The following WWOX variants were observed in gnomAD, a reference collection of about 807,000 sequenced individuals.
WWOX encodes WW domain containing oxidoreductase, also known as WW domain-containing oxidoreductase.
In WWOX, 69 loss-of-function variants were observed where a neutral mutation model predicts 46.2. The ratio of observed to expected loss-of-function variants is 1.49; its 90% confidence interval spans 1.23 to 1.82. The LOEUF (loss-of-function observed/expected upper bound fraction) is 1.82. Among genes scored for constraint, WWOX ranks in the 40% most tolerant of loss-of-function variants. The probability of loss-of-function intolerance (pLI) is 0.00; values close to 1 mark genes in which losing one functional copy is unlikely to be tolerated. For missense variants in WWOX, 919 were observed against 542.6 expected (o/e 1.69, Z -6.89); for synonymous variants, 359 against 202.6 (o/e 1.77, Z -6.56).
At chr16:78,343,142 A>C (rs569102864) in intron 5 of WWOX, among the ~76,000 whole-genome samples, 1 of 119,646 alleles carries the variant, frequency 8.4e-6, no homozygotes, top group East Asian at 1.9e-4. Flanking sequence ...AGCAGGATGC[A>C]AGATTGTACA....
chr16:78,701,728 G>T (rs1480758600), intron 8 of WWOX, among the ~76,000 whole-genome samples: 1 of 152,028 alleles, frequency 6.6e-6, no homozygotes, highest in East Asian at 1.9e-4. Flanking sequence ...CTGGGAAGCT[G>T]CAGTAGGGGT....
intron 8 of WWOX, among the ~76,000 whole-genome samples, chr16:78,578,657 C>T (rs1035872146): frequency 2.0e-5 from 3 of 152,052 alleles, no homozygotes; most frequent in Admixed American, 6.5e-5. Flanking sequence ...GATACATAGG[C>T]AGTTGTTATG....
chr16:78,859,027 A>AAT (rs1555551611), intron 8 of WWOX, among the ~76,000 whole-genome samples: 541 of 23,416 alleles, frequency 0.023, 8 homozygotes, highest in East Asian at 0.054. Flanking sequence ...AAAAAAAAAA[A>AAT]ATATATATAT....
At chr16:78,712,737 A>G (rs1175699101) in intron 8 of WWOX, among the ~76,000 whole-genome samples, 2 of 152,284 alleles carry the variant, frequency 1.3e-5, no homozygotes, top group Middle Eastern at 6.8e-3. Context: ...ATGCATACCG[A>G]AAAATCTACA....
At chr16:78,682,195 A>G (rs1361222845) in intron 8 of WWOX, among the ~76,000 whole-genome samples, 2 of 152,288 alleles carry the variant, frequency 1.3e-5, no homozygotes, top group African/African-American at 2.4e-5. Flanking sequence ...ATCTGCTACA[A>G]TCGCTTGATA....
intron 8 of WWOX, among the ~76,000 whole-genome samples, chr16:78,434,886 C>G (rs544009324): frequency 6.6e-6 from 1 of 151,944 alleles, no homozygotes; most frequent in South Asian, 2.1e-4. Context: ...GGACTCTGTG[C>G]CAGGGCATGT....
chr16:79,046,693 C>T (rs1056325744), intron 8 of WWOX, among the ~76,000 whole-genome samples: 8 of 152,128 alleles, frequency 5.3e-5, no homozygotes, highest in African/African-American at 1.7e-4. Context: ...GATTTTGAAC[C>T]GACTCTGGTA....
At chr16:78,303,698 C>A (rs2080083712) in intron 5 of WWOX, among the ~76,000 whole-genome samples, 1 of 152,212 alleles carries the variant, frequency 6.6e-6, no homozygotes, top group Admixed American at 6.5e-5. Flanking sequence ...GCATGCGCCA[C>A]CATGCCCAGC....
intron 8 of WWOX, among the ~76,000 whole-genome samples, chr16:78,993,111 G>T (rs1258522378): frequency 6.6e-6 from 1 of 152,030 alleles, no homozygotes; most frequent in East Asian, 1.9e-4. Context: ...GTGGAAATGT[G>T]ATGTGTGTTT....
intron 8 of WWOX, among the ~76,000 whole-genome samples, chr16:78,472,892 T>C (rs913232259): frequency 1.3e-5 from 2 of 151,950 alleles, no homozygotes; most frequent in African/African-American, 4.8e-5. Context: ...CAAGATGGGA[T>C]TACTGCGCCA....
At chr16:79,162,573 C>A (rs186446564) in intron 8 of WWOX, among the ~76,000 whole-genome samples, 1 of 152,162 alleles carries the variant, frequency 6.6e-6, no homozygotes, top group Non-Finnish European at 1.5e-5. Flanking sequence ...ACCCTTGGGG[C>A]GGAGACCTTA....
intron 8 of WWOX, among the ~76,000 whole-genome samples, chr16:78,843,176 C>T (rs911715728): frequency 2.7e-5 from 4 of 149,900 alleles, no homozygotes; most frequent in African/African-American, 9.7e-5. Context: ...CAGCCACTGT[C>T]CTAGGAGAGG....
intron 8 of WWOX, among the ~76,000 whole-genome samples, chr16:78,680,222 C>T (rs926342822): frequency 6.6e-6 from 1 of 152,038 alleles, no homozygotes; most frequent in Non-Finnish European, 1.5e-5. Context: ...CCAGCCTGAG[C>T]AGCATAACGA....
chr16:78,123,428 G>GTTTTTTTT (rs1330107026), intron 4 of WWOX: 9 of 61,074 alleles, frequency 1.5e-4, no homozygotes, highest in Non-Finnish European at 1.8e-4. Flanking sequence ...TTTTTTCTTT[G>GTTTTTTTT]TTTTTTGTTT....
intron 8 of WWOX, among the ~76,000 whole-genome samples, chr16:79,011,135 CCACACACACACACACACACACACACA>C (rs10611855): frequency 6.8e-6 from 1 of 146,212 alleles, no homozygotes; most frequent in Non-Finnish European, 1.5e-5. Context: ...ACTCACACAT[CCACACACACACACACACACACACACA>C]CACACACACA....
chr16:79,016,537 C>G (rs1292854118), intron 8 of WWOX: 2 of 152,378 alleles, frequency 1.3e-5, no homozygotes, highest in Non-Finnish European at 1.5e-5. Flanking sequence ...ATTCTCATGC[C>G]TCAGACTCCT....
intron 8 of WWOX, among the ~76,000 whole-genome samples, chr16:78,637,637 A>C (rs974970587): frequency 1.3e-5 from 2 of 152,164 alleles, no homozygotes; most frequent in African/African-American, 4.8e-5. Flanking sequence ...TAAAAGAAGG[A>C]AGGGCTGGAG....
intron 8 of WWOX, among the ~76,000 whole-genome samples, chr16:78,958,688 G>A (rs2046216889): frequency 6.6e-6 from 1 of 152,136 alleles, no homozygotes; most frequent in East Asian, 1.9e-4. Context: ...TCAGACAACT[G>A]AAATATAAAT....
At chr16:78,506,306 C>A (rs940964412) in intron 8 of WWOX, among the ~76,000 whole-genome samples, 1 of 152,206 alleles carries the variant, frequency 6.6e-6, no homozygotes, top group Non-Finnish European at 1.5e-5. Context: ...GCTTTTGCTT[C>A]GGAAACGAAT....
Sources: allele counts gnomAD v4.1 joint callset (sites outside exome capture counted in the v4.1 genomes callset), GRCh38; gene constraint gnomAD v4.1.1; transcripts MANE v1.5; gene names NCBI Gene and HGNC (gene_info 2026-07-23, HGNC 2026-07-21).